The following USP42 variants were observed in gnomAD, a reference collection of about 807,000 sequenced individuals.
USP42 encodes ubiquitin specific peptidase 42, also known as ubiquitin carboxyl-terminal hydrolase 42.
Under a neutral mutation model 113.0 loss-of-function variants are expected in USP42, and 23 were observed. The observed-to-expected ratio is 0.20, with a 90% confidence interval of 0.15 to 0.29. The LOEUF is 0.29. USP42 is among the 10% of genes least tolerant of loss of function. USP42 has a pLI of 1.00. For missense variants in USP42, 2,174 were observed against 1,779.8 expected (o/e 1.22, Z -3.99); for synonymous variants, 933 against 699.0 (o/e 1.33, Z -5.28).
chr7:6,153,681 T>C, intron 14 of USP42, 75 bp from the exon 15 acceptor site: 1 of 1,381,582 alleles, frequency 7.2e-7, no homozygotes, highest in East Asian at 2.8e-5. Context: ...TTTGAAGTAT[T>C]TGTCCTTGTA....
At chr7:6,089,252 C>G in the USP42 span, among the ~76,000 whole-genome samples, 1 of 146,932 alleles carries the variant, frequency 6.8e-6, no homozygotes, top group South Asian at 2.1e-4. Context: ...CAGGGTTTCA[C>G]CATGTTGGCC....
intron 3 of USP42, among the ~76,000 whole-genome samples, chr7:6,117,505 A>T (rs1409314302): frequency 6.6e-6 from 1 of 152,230 alleles, no homozygotes; most frequent in Non-Finnish European, 1.5e-5. Flanking sequence ...TGCTATGAAC[A>T]TTAGCAAACA....
rs1248779770 is a variant in USP42 at position 6,143,020 on chromosome 7, T to C, written c.878+6T>C. ...AACTCGTACAAGTGCAGCAAGTACG[T>C]TGGGTGGTGACTTGATTCTTGATGC... On this transcript the variant is annotated splice_donor_region_variant and intron_variant, in intron 8 of 17. Coordinates refer to ENST00000306177, the MANE Select transcript of USP42 (RefSeq NM_032172.3). The C allele has an allele frequency of 1.2e-6, 2 of 1,613,682 alleles. No homozygotes were observed. The highest frequency in any genetic ancestry group is 1.7e-4 in the Middle Eastern group (1 of 6,058).
chr7:6,146,354 C>A, intron 11 of USP42, 106 bp downstream of exon 11: 25 of 729,636 alleles, frequency 3.4e-5, no homozygotes, highest in Non-Finnish European at 5.2e-5. Flanking sequence ...AAAAAAAAAC[C>A]CAGCAGCTTA....
chr7:6,146,458 G>A (rs148170601), intron 11 of USP42, among the ~76,000 whole-genome samples: 1 of 152,018 alleles, frequency 6.6e-6, no homozygotes, highest in African/African-American at 2.4e-5. Flanking sequence ...CCAGGAGTTC[G>A]AGACCGACCA....
At position 6,153,841 on chromosome 7, in the gene USP42, C is replaced by T. The variant is rs755393243; in HGVS notation, c.2287C>T (p.Pro763Ser). ...CCCCGCCGCCGAATCCCTGGAGGAG[C>T]CAGATGCGGCCGCCGGCCTCAGCAG... is the stretch of plus-strand genomic sequence containing the variant. Reference protein sequence around the residue: ...GSPAAESLEEPDAAAGLSSTK... With the variant: ...GSPAAESLEESDAAAGLSSTK... Residue 763 changes from proline to serine, a missense_variant, in exon 15 of 18, where the codon CCA becomes TCA. By Grantham distance (74) the Pro-to-Ser change is moderately conservative. Coordinates refer to ENST00000306177, the MANE Select transcript of USP42 (RefSeq NM_032172.3). 3.2e-6 allele frequency: 5 copies of T among 1,545,510 alleles called. No individual in the cohort carries two copies. The South Asian group carries it at 3.6e-5, about 11-fold the overall frequency.
chr7:6,090,257 G>A, the USP42 span, among the ~76,000 whole-genome samples: 3 of 136,122 alleles, frequency 2.2e-5, no homozygotes, highest in Non-Finnish European at 3.1e-5. Flanking sequence ...CCGAGATCAC[G>A]CCATTGCACA....
intron 1 of USP42, among the ~76,000 whole-genome samples, chr7:6,108,687 G>T (rs1424265138): frequency 2.0e-5 from 3 of 152,064 alleles, no homozygotes; most frequent in Non-Finnish European, 4.4e-5. Context: ...CACCATGTTG[G>T]TCAGGATGGT....
the USP42 span, among the ~76,000 whole-genome samples, chr7:6,094,647 T>C: frequency 6.6e-6 from 1 of 151,144 alleles, no homozygotes; most frequent in South Asian, 2.1e-4. Context: ...ACTGGTAAAT[T>C]AAATGAGCAG....
chr7:6,095,669 A>T, the USP42 span, among the ~76,000 whole-genome samples: 1 of 151,150 alleles, frequency 6.6e-6, no homozygotes, highest in Non-Finnish European at 1.5e-5. Flanking sequence ...ACTCCGTCTA[A>T]AAAACAAAAA....
In USP42 at chr7:6,155,215, C is replaced by A; in HGVS notation, c.3641+20C>A. 1 of 1,506,722 alleles carries A rather than the reference C, an allele frequency of 6.6e-7. No homozygotes were observed. Among genetic ancestry groups the A allele is most frequent in the Non-Finnish European group, 8.8e-7 (1 of 1,135,470 alleles). 93.3% of individuals were successfully genotyped at this position (1,506,722 alleles called of 1,614,324 possible). A position where few individuals can be genotyped will look rare whatever the true frequency, so the allele number is the denominator to read the frequency against. ...CTCCAGGTGAGCCTGGGGCCTTGTG[C>A]TCCCCGAGGCGCTGGCGCTGCTGTC... is the stretch of plus-strand genomic sequence containing the variant. On this transcript the variant is annotated intron_variant, in intron 15 of 17. Coordinates refer to ENST00000306177, the MANE Select transcript of USP42 (RefSeq NM_032172.3).
chr7:6,112,774 G>A (rs964074961), intron 2 of USP42, among the ~76,000 whole-genome samples: 1 of 151,998 alleles, frequency 6.6e-6, no homozygotes, highest in Admixed American at 6.6e-5. Flanking sequence ...GTTAGTGTTA[G>A]TGTATTTTAC....
At chr7:6,153,274 C>CA (rs140055662) in intron 14 of USP42, among the ~76,000 whole-genome samples, 9,903 of 133,138 alleles carry the variant, frequency 0.074, 595 homozygotes, top group East Asian at 0.3. Context: ...CTCTGTCCTT[C>CA]AAAAAAACAA....
intron 3 of USP42, among the ~76,000 whole-genome samples, chr7:6,117,543 C>T (rs1254417370): frequency 6.6e-6 from 1 of 152,166 alleles, no homozygotes. Flanking sequence ...GTTTTCATTT[C>T]TCTTAGGTAA....
Position 6,107,353 on chromosome 7 carries a change from G to A in USP42, c.-10+2321G>A, listed in dbSNP as rs1779345316. Among the ~76,000 whole-genome samples the A allele has an allele frequency of 2.0e-5, 3 of 151,458 alleles. No homozygotes were observed. In the South Asian group the frequency reaches 6.3e-4, roughly 32 times the overall value. ...GTTTAGTGTTACTGTAAATAAGGCT[G>A]GATTAACCTTTTCTTATATTTCTTA... On this transcript the variant is annotated intron_variant, in intron 1 of 17. Coordinates refer to ENST00000306177, the MANE Select transcript of USP42 (RefSeq NM_032172.3).
intron 3 of USP42, among the ~76,000 whole-genome samples, chr7:6,127,814 G>T (rs975711808): frequency 6.6e-6 from 1 of 152,150 alleles, no homozygotes; most frequent in Non-Finnish European, 1.5e-5. Context: ...ATTTTGATAG[G>T]AAGTACACTA....
intron 3 of USP42, among the ~76,000 whole-genome samples, chr7:6,117,579 C>G (rs777386229): frequency 2.0e-5 from 3 of 152,138 alleles, no homozygotes; most frequent in Non-Finnish European, 4.4e-5. Context: ...ATGGCTTGGT[C>G]CTGGGGTGGG....
At chr7:6,152,463 C>CG (rs1448148428) in intron 14 of USP42, among the ~76,000 whole-genome samples, 1 of 152,194 alleles carries the variant, frequency 6.6e-6, no homozygotes, top group Non-Finnish European at 1.5e-5. Context: ...TTCATGCTGG[C>CG]GGGGCTCCCA....
the USP42 span, among the ~76,000 whole-genome samples, chr7:6,092,053 C>CTTCTTCTTCT: frequency 2.2e-4 from 9 of 41,756 alleles, no homozygotes; most frequent in Non-Finnish European, 4.1e-4. Context: ...TCTTCTTCTT[C>CTTCTTCTTCT]TTTCTTCTTC....
Sources: gnomAD v4.1 joint callset for allele counts (sites outside exome capture counted in the v4.1 genomes callset) on GRCh38, gnomAD v4.1.1 for gene constraint, MANE v1.5 for transcripts, NCBI Gene and HGNC (gene_info 2026-07-23, HGNC 2026-07-21) for gene names.